The following RBFOX1 variants were observed in gnomAD, a reference collection of about 807,000 sequenced individuals.
RBFOX1 encodes the protein RNA binding fox-1 homolog 1, also known as RNA binding protein fox-1 homolog 1.
RBFOX1 carries 8 observed loss-of-function variants against 57.7 expected under a neutral mutation model. The observed-to-expected ratio is 0.14, with a 90% CI of 0.08 to 0.25. The LOEUF (loss-of-function observed/expected upper bound fraction) is 0.25, where lower values mean the gene tolerates loss of function less well. RBFOX1 is among the 10% of genes least tolerant of loss of function. RBFOX1 has a pLI of 1.00. For missense variants in RBFOX1, 611 were observed against 548.5 expected (o/e 1.11, Z -1.14); for synonymous variants, 326 against 222.4 (o/e 1.47, Z -4.15).
intron 2 of RBFOX1, among the ~76,000 whole-genome samples, chr16:6,555,198 G>C (rs1197202793): frequency 6.6e-6 from 1 of 152,150 alleles, no homozygotes; most frequent in East Asian, 1.9e-4. Context: ...TCCTAGACCA[G>C]AGAATGTTCC....
intron 1 of RBFOX1, among the ~76,000 whole-genome samples, chr16:5,250,069 C>T (rs1477740955): frequency 1.3e-5 from 2 of 150,704 alleles, no homozygotes; most frequent in South Asian, 2.1e-4. Flanking sequence ...GAGGAGGTTG[C>T]AGTGAGCCGA....
intron 13 of RBFOX1, among the ~76,000 whole-genome samples, chr16:7,665,840 T>G (rs946304829): frequency 6.6e-6 from 1 of 152,172 alleles, no homozygotes; most frequent in Non-Finnish European, 1.5e-5. Context: ...TCTGATGAAA[T>G]TGGTATCATG....
intron 3 of RBFOX1, among the ~76,000 whole-genome samples, chr16:6,786,253 C>A (rs1224670287): frequency 2.0e-5 from 3 of 152,130 alleles, no homozygotes; most frequent in African/African-American, 7.2e-5. Context: ...CAAGTATGGG[C>A]CTGGCCAGGA....
At chr16:6,998,553 T>C (rs2092468823) in intron 3 of RBFOX1, among the ~76,000 whole-genome samples, 1 of 152,168 alleles carries the variant, frequency 6.6e-6, no homozygotes. Context: ...AACAGCTGGT[T>C]GTATTGAAGA....
In RBFOX1 at chr16:7,435,264, G is replaced by A. The variant is rs151317736; in HGVS notation, c.28-82883G>A. 4.6e-5 allele frequency among the ~76,000 whole-genome samples: 7 copies of A among 152,094 alleles called. No individual in the cohort carries two copies. The East Asian group carries it at 1.4e-3, about 30-fold the overall frequency. On this transcript the variant is annotated intron_variant, in intron 4 of 15. Transcript: ENST00000550418. ...TTGTCTTTTTTGGAGTACTAAGCAG[G>A]TGTTTTGTAGTGTGTCCCTCCACTG...
At chr16:6,970,283 C>G (rs76571755) in intron 3 of RBFOX1, among the ~76,000 whole-genome samples, 5,472 of 152,122 alleles carry the variant, frequency 0.036, 352 homozygotes, top group African/African-American at 0.12. Context: ...TTTCAATGAC[C>G]CAACAACATC....
intron 4 of RBFOX1, among the ~76,000 whole-genome samples, chr16:7,269,973 C>T (rs1242079139): frequency 6.6e-6 from 1 of 152,160 alleles, no homozygotes; most frequent in Non-Finnish European, 1.5e-5. Context: ...TGGTATTGCC[C>T]TGTTTAAACC....
chr16:5,991,608 C>T (rs996402831), intron 4 of RBFOX1, among the ~76,000 whole-genome samples: 123 of 150,688 alleles, frequency 8.2e-4, no homozygotes, highest in African/African-American at 2.8e-3. Flanking sequence ...AACTCCTCAT[C>T]GAAAAGATGC....
At chr16:5,768,660 A>G (rs1267419072) in intron 3 of RBFOX1, among the ~76,000 whole-genome samples, 2 of 152,124 alleles carry the variant, frequency 1.3e-5, no homozygotes, top group Non-Finnish European at 2.9e-5. Context: ...TCTTGCATCT[A>G]TTCCACTCTG....
At chr16:5,401,696 A>G (rs1356501322) in intron 1 of RBFOX1, among the ~76,000 whole-genome samples, 3 of 151,452 alleles carry the variant, frequency 2.0e-5, no homozygotes, top group African/African-American at 7.3e-5. Flanking sequence ...GGAAATTCAC[A>G]CTTTCATTGT....
At chr16:6,821,572 T>C (rs1297633774) in intron 3 of RBFOX1, among the ~76,000 whole-genome samples, 2 of 152,178 alleles carry the variant, frequency 1.3e-5, no homozygotes, top group East Asian at 3.8e-4. Flanking sequence ...CCCCAACCGC[T>C]GGTAACCACT....
intron 2 of RBFOX1, chr16:6,483,056 G>C (rs1375119265): frequency 2.3e-5 from 20 of 852,216 alleles, no homozygotes; most frequent in Non-Finnish European, 2.8e-5. Context: ...AGATACCGCA[G>C]CCAGCTCGGA....
intron 2 of RBFOX1, among the ~76,000 whole-genome samples, chr16:5,552,213 C>T (rs1033306030): frequency 6.6e-6 from 1 of 152,162 alleles, no homozygotes; most frequent in African/African-American, 2.4e-5. Context: ...CTTGGTGATT[C>T]CCAGCCCTTG....
intron 2 of RBFOX1, among the ~76,000 whole-genome samples, chr16:6,651,111 A>T (rs12923841): frequency 2.6e-4 from 39 of 152,192 alleles, no homozygotes; most frequent in African/African-American, 9.1e-4. Context: ...CATATTAGCC[A>T]GGCTGATCTC....
chr16:6,808,406 G>A (rs1309358638), intron 3 of RBFOX1, among the ~76,000 whole-genome samples: 1 of 151,966 alleles, frequency 6.6e-6, no homozygotes, highest in African/African-American at 2.4e-5. Flanking sequence ...AAGTGCTATG[G>A]AAGCAGAGTT....
chr16:6,865,283 G>C (rs564059535), intron 3 of RBFOX1, among the ~76,000 whole-genome samples: 6 of 151,882 alleles, frequency 4.0e-5, no homozygotes, highest in African/African-American at 7.3e-5. Context: ...GATTACAGAC[G>C]TGAGCCACCG....
intron 2 of RBFOX1, among the ~76,000 whole-genome samples, chr16:5,545,556 A>T (rs1422787258): frequency 1.3e-5 from 2 of 152,170 alleles, no homozygotes; most frequent in African/African-American, 2.4e-5. Flanking sequence ...TAAAATTCAA[A>T]TATAATCAAT....
At position 5,389,878 on chromosome 16, in the gene RBFOX1, G is replaced by A. The variant is rs539834739; in HGVS notation, c.220-77338G>A. Among the ~76,000 whole-genome samples, 194 of 151,326 alleles carry A rather than the reference G, an allele frequency of 1.3e-3. 1 individual carries two copies. Among genetic ancestry groups the A allele is most frequent in the Non-Finnish European group, 2.2e-3 (148 of 67,768 alleles). On this transcript the variant is annotated intron_variant, in intron 1 of 2. Transcript: ENST00000585867. ...ACGACCAGCTAATTTTTGTATTTTT[G>A]GTAGAGATGGAGCTTCACCATGTTG...
Position 5,685,066 on chromosome 16 carries a change from A to T in RBFOX1, c.318+86105A>T, listed in dbSNP as rs573824080. Among the ~76,000 whole-genome samples the T allele has an allele frequency of 4.3e-4, 66 of 152,296 alleles. No individual in the cohort carries two copies. The South Asian group carries it at 0.013, about 31-fold the overall frequency. On this transcript the variant is annotated intron_variant, in intron 3 of 19. Coordinates refer to the RBFOX1 transcript ENST00000641259. ...GCGGTTGTGATTCTCTTCCCAGCTG[A>T]GATGAATTGGTCTCATAAGCAGACA...
Sources: allele counts gnomAD v4.1 joint callset (sites outside exome capture counted in the v4.1 genomes callset), GRCh38; gene constraint gnomAD v4.1.1; transcripts MANE v1.5; gene names NCBI Gene and HGNC (gene_info 2026-07-23, HGNC 2026-07-21).